RMDN2: variants seen among roughly 807,000 people sequenced by gnomAD.
RMDN2 encodes the protein regulator of microtubule dynamics protein 2.
A neutral mutation model predicts 52.8 loss-of-function variants in RMDN2; 61 were observed. The ratio of observed to expected loss-of-function variants is 1.16; its 90% CI spans 0.94 to 1.43. The LOEUF (loss-of-function observed/expected upper bound fraction) is 1.43, where lower values mean the gene tolerates loss of function less well. Ranked by LOEUF, RMDN2 falls within the 40% of genes most tolerant of loss-of-function variation. The pLI, the probability that RMDN2 is intolerant of heterozygous loss-of-function variation, is 0.00. For missense variants in RMDN2, 592 were observed against 475.3 expected (o/e 1.25, Z -2.28); for synonymous variants, 180 against 153.1 (o/e 1.18, Z -1.30).
In RMDN2 at chr2:37,929,243, T is replaced by C. The variant is rs1219450336; in HGVS notation, c.-16-19T>C. ...AAGACATAAACAACATTCATTTACA[T>C]TTATGTTTTTAATTTTAGAAACGAA... On this transcript the variant is annotated intron_variant, in intron 1 of 10. Transcript: ENST00000354545. 7.4e-7 allele frequency: 1 copy of C among 1,348,092 alleles called. No individual in the cohort carries two copies. The highest frequency in any genetic ancestry group is 2.5e-5 in the East Asian group (1 of 39,646). 83.5% of individuals were successfully genotyped at this position (1,348,092 alleles called of 1,614,324 possible). A position where few individuals can be genotyped will look rare whatever the true frequency, so the allele number is the denominator to read the frequency against.
rs117220675 is a variant in RMDN2 at position 38,012,765 on chromosome 2, G to T, written c.1180-4421G>T. 1.7e-3 allele frequency: 497 copies of T among 294,960 alleles called. 10 individuals are homozygous for T. In the East Asian group the frequency reaches 0.044, roughly 26 times the overall value. The allele number at this position is 294,960 out of a possible 1,614,324, so 18.3% of individuals were successfully genotyped here. A position where few individuals can be genotyped will look rare whatever the true frequency, so the allele number is the denominator to read the frequency against. On this transcript the variant is annotated intron_variant, in intron 10 of 10. Coordinates refer to ENST00000354545, the MANE Select transcript of RMDN2 (RefSeq NM_001170791.3). The stretch of plus-strand genomic sequence containing the variant: ...TCAGATTGAAATATACCCCATTAGT[G>T]ATTTTGCTAACCAAGTTTATTCATT...
rs146001098 is a variant in RMDN2 at position 37,950,602 on chromosome 2, C to T, written c.452+20873C>T. ...CAATGGGAAAGTGCTTAAGGTAAGC[C>T]TTAGAAAAAAACTTCAACATGTGCT... On this transcript the variant is annotated intron_variant, in intron 2 of 10. Transcript: ENST00000354545. 5.0e-4 allele frequency: 807 copies of T among 1,612,704 alleles called. 4 individuals are homozygous for T. In the African/African-American group the frequency reaches 8.8e-3, roughly 18 times the overall value.
At chr2:37,949,218 G>A (rs887703516) in intron 2 of RMDN2, among the ~76,000 whole-genome samples, 1 of 152,124 alleles carries the variant, frequency 6.6e-6, no homozygotes, top group Non-Finnish European at 1.5e-5. Context: ...TACATGTAAG[G>A]CCCTGATCAT....
intron 2 of RMDN2, among the ~76,000 whole-genome samples, chr2:37,969,494 A>C (rs11890903): frequency 0.18 from 26,635 of 151,266 alleles, 2,911 homozygotes; most frequent in African/African-American, 0.3. Flanking sequence ...TATTTTTATA[A>C]AATTATATTT....
intron 7 of RMDN2, among the ~76,000 whole-genome samples, chr2:37,993,147 A>G (rs1334212598): frequency 6.6e-6 from 1 of 151,824 alleles, no homozygotes; most frequent in African/African-American, 2.4e-5. Context: ...CTGGTCTCAC[A>G]CTCCTGGCCT....
chr2:38,017,195 G>T lies in RMDN2; in HGVS notation c.1189G>T (p.Ala397Ser). Residue 397 changes from alanine (A) to serine (S), a missense_variant, in exon 11 of 11, where the codon GCA (alanine) becomes TCA (serine). Coordinates refer to ENST00000354545, the MANE Select transcript of RMDN2 (RefSeq NM_001170791.3). ...LPTVTKEDKE[A>S]QKEMQKIMTS... ...TGTATTTTCTTTATAGGATAAAGAG[G>T]CACAGAAAGAGATGCAAAAAATAAT... is the stretch of plus-strand genomic sequence containing the variant. 1 of 1,527,052 alleles carries T rather than the reference G, an allele frequency of 6.5e-7. No individual in the cohort carries two copies. 94.6% of individuals were successfully genotyped at this position (1,527,052 alleles called of 1,614,324 possible). A position where few individuals can be genotyped will look rare whatever the true frequency, so the allele number is the denominator to read the frequency against.
chr2:37,947,699 A>G (rs1421301817), intron 2 of RMDN2, among the ~76,000 whole-genome samples: 2 of 152,242 alleles, frequency 1.3e-5, no homozygotes, highest in Non-Finnish European at 2.9e-5. Flanking sequence ...TTGAAGAATG[A>G]TACTACACTC....
At position 37,989,610 on chromosome 2, in the gene RMDN2, C is replaced by G. The variant is rs1199803173; in HGVS notation, c.861C>G (p.Leu287=). 3 of 1,585,906 alleles carry G rather than the reference C, an allele frequency of 1.9e-6. No homozygotes were observed. Among genetic ancestry groups the G allele is most frequent in the Middle Eastern group, 1.7e-4 (1 of 5,958 alleles). The part of the protein sequence containing the change: ...GLQNKINYGH[L]FKEHLDIAIK... ...AAAACAAAATCAACTATGGGCACCT[C>G]TTCAAGGTATTTCTTTTTTTTTTTT... The change falls in exon 6 of 11, where the codon CTC becomes CTG. Residue 287 remains leucine (L), a synonymous_variant. Transcript: ENST00000354545.
chr2:38,001,032 C>G (rs1303388256), intron 8 of RMDN2, among the ~76,000 whole-genome samples: 1 of 152,164 alleles, frequency 6.6e-6, no homozygotes, highest in East Asian at 1.9e-4. Flanking sequence ...ACAGGCTACC[C>G]TGATTGCACT....
chr2:37,921,728 G>C (rs1666036997), upstream of RMDN2, among the ~76,000 whole-genome samples: 2 of 152,128 alleles, frequency 1.3e-5, no homozygotes, highest in African/African-American at 2.4e-5. Flanking sequence ...TAAGAGAAAA[G>C]GCTCTCAGAC....
chr2:38,014,075 G>A (rs1270945834), intron 10 of RMDN2, among the ~76,000 whole-genome samples: 3 of 152,064 alleles, frequency 2.0e-5, no homozygotes, highest in African/African-American at 7.2e-5. Flanking sequence ...AGTCGGGCGT[G>A]GTGGCACATG....
chr2:37,937,751 CTT>C (rs1247636339), intron 2 of RMDN2, among the ~76,000 whole-genome samples: 2 of 152,188 alleles, frequency 1.3e-5, no homozygotes. Context: ...TATCCTGAGA[CTT>C]TGCTGAAGTT....
chr2:37,949,382 C>A (rs1668513585), intron 2 of RMDN2, among the ~76,000 whole-genome samples: 1 of 152,180 alleles, frequency 6.6e-6, no homozygotes, highest in African/African-American at 2.4e-5. Flanking sequence ...TCCTGTAACA[C>A]AATCCACTGT....
At chr2:37,996,880 A>G (rs1169528633) in intron 7 of RMDN2, among the ~76,000 whole-genome samples, 2 of 152,150 alleles carry the variant, frequency 1.3e-5, no homozygotes, top group East Asian at 1.9e-4. Context: ...GTAAATATGT[A>G]TAGTGGGTCC....
chr2:38,037,322 C>T (rs986225605), intron 10 of RMDN2, among the ~76,000 whole-genome samples: 1 of 152,214 alleles, frequency 6.6e-6, no homozygotes, highest in Admixed American at 6.5e-5. Flanking sequence ...CTTAAATTCT[C>T]CCCAGACTTT....
intron 2 of RMDN2, among the ~76,000 whole-genome samples, chr2:37,966,325 G>A (rs1328491558): frequency 6.6e-6 from 1 of 151,988 alleles, no homozygotes; most frequent in East Asian, 1.9e-4. Context: ...GCTGAGGCAG[G>A]AGAATGGCAT....
At chr2:38,056,291 C>T (rs1267009382) in intron 10 of RMDN2, among the ~76,000 whole-genome samples, 1 of 152,158 alleles carries the variant, frequency 6.6e-6, no homozygotes, top group South Asian at 2.1e-4. Context: ...CTCTATGGAG[C>T]CTTTCCTAAC....
chr2:37,930,088 A>T (rs1558433043), intron 2 of RMDN2, among the ~76,000 whole-genome samples: 1 of 152,226 alleles, frequency 6.6e-6, no homozygotes, highest in Non-Finnish European at 1.5e-5. Context: ...TTCCGCAGTG[A>T]TGGAAATGGT....
At position 38,061,743 on chromosome 2, in the gene RMDN2, C is replaced by T. The variant is rs143952245; in HGVS notation, c.1714-5239C>T. Among the ~76,000 whole-genome samples, 645 of 152,260 alleles carry T rather than the reference C, an allele frequency of 4.2e-3. 9 individuals are homozygous for T. Among genetic ancestry groups the T allele is most frequent in the African/African-American group, 0.014 (596 of 41,554 alleles). ...GAATATCAGCTCCATGAGGTCAGGG[C>T]CTGGGTGCCTTGTTCATTATTATAT... On this transcript the variant is annotated intron_variant, in intron 10 of 10. Transcript: ENST00000234195.
Sources: gnomAD v4.1 joint callset for allele counts (sites outside exome capture counted in the v4.1 genomes callset) on GRCh38, gnomAD v4.1.1 for gene constraint, MANE v1.5 for transcripts, NCBI Gene and HGNC (gene_info 2026-07-23, HGNC 2026-07-21) for gene names.